DNAJC13: variants seen among roughly 807,000 people sequenced by gnomAD.
The protein encoded by DNAJC13 is dnaJ homolog subfamily C member 13.
DNAJC13 carries 75 observed loss-of-function variants against 290.5 expected under a neutral mutation model. The observed-to-expected ratio is 0.26, with a 90% CI of 0.21 to 0.31. The LOEUF is 0.31. Ranked by LOEUF, DNAJC13 falls within the 10% of genes least tolerant of loss-of-function variation. DNAJC13 has a pLI of 1.00. For missense variants in DNAJC13, 2,260 were observed against 2,674.5 expected, an observed-to-expected ratio of 0.85 and a Z score of 3.42; for synonymous variants, 862 against 892.0, an observed-to-expected ratio of 0.97 and a Z score of 0.60.
Position 132,474,885 on chromosome 3 carries a change from A to T in DNAJC13, c.2292-47A>T, listed in dbSNP as rs530774189. On this transcript the variant is annotated intron_variant, in intron 21 of 55. Coordinates refer to ENST00000260818, the MANE Select transcript of DNAJC13 (RefSeq NM_015268.4). ...AGTAAGGGATATTTATAGATTTTTT[A>T]AAATGCTTAGTGCATCCTGCTATTT... is the stretch of plus-strand genomic sequence containing the variant. 37 of 948,804 alleles carry T rather than the reference A, an allele frequency of 3.9e-5. No individual in the cohort carries two copies. The Middle Eastern group carries it at 1.7e-3, about 43-fold the overall frequency. 58.8% of individuals were successfully genotyped at this position (948,804 alleles called of 1,614,324 possible). A position where few individuals can be genotyped will look rare whatever the true frequency, so the allele number is the denominator to read the frequency against.
intron 20 of DNAJC13, among the ~76,000 whole-genome samples, chr3:132,469,984 T>C (rs1156996912): frequency 7.7e-6 from 1 of 130,626 alleles, no homozygotes; most frequent in African/African-American, 3.1e-5. Flanking sequence ...TTTTTTTTTT[T>C]TTTTTTTTAA....
In DNAJC13 at chr3:132,468,681, GT is replaced by G. The variant is rs553227256; in HGVS notation, c.2208+1375del. 7.7e-3 allele frequency among the ~76,000 whole-genome samples: 1,170 copies of G among 152,096 alleles called. 8 individuals are homozygous for G. The highest frequency in any genetic ancestry group is 0.027 in the African/African-American group (1,107 of 41,492). Reference sequence around the variant, plus strand: ...ATACCTCCCTTCTCTATCTTATAGGGTTTTTTTGATATACAAGCAAAATAAT... The same window carrying G: ...ATACCTCCCTTCTCTATCTTATAGGGTTTTTTGATATACAAGCAAAATAAT... On this transcript the variant is annotated intron_variant, in intron 20 of 55. Coordinates refer to ENST00000260818, the MANE Select transcript of DNAJC13 (RefSeq NM_015268.4).
intron 26 of DNAJC13, among the ~76,000 whole-genome samples, chr3:132,481,822 A>G (rs1559889929): frequency 6.6e-6 from 1 of 152,146 alleles, no homozygotes; most frequent in South Asian, 2.1e-4. Flanking sequence ...TTTTCCCCCA[A>G]AATAACTTTA....
chr3:132,530,464 A>G (rs1391226996), intron 54 of DNAJC13, among the ~76,000 whole-genome samples: 1 of 152,232 alleles, frequency 6.6e-6, no homozygotes, highest in Non-Finnish European at 1.5e-5. Flanking sequence ...ATGTATTTCA[A>G]GTATATACAA....
Position 132,466,354 on chromosome 3 carries a change from C to T in DNAJC13, c.2024C>T (p.Ala675Val), listed in dbSNP as rs1415173295. Residue 675 changes from alanine (A) to valine (V), a missense_variant, in exon 19 of 56, where the codon GCT (alanine) becomes GTT (valine). Around this residue, in one of 3 missense-constraint regions of DNAJC13, gnomAD observed 762 missense variants for 964.1 expected, o/e 0.79. Coordinates refer to ENST00000260818, the MANE Select transcript of DNAJC13 (RefSeq NM_015268.4). The part of the protein sequence containing the change: ...ESSDLVPEKD[A>V]DRMHVRDNVK... Reference sequence around the variant, plus strand: ...TCAGATCTCGTACCTGAGAAGGATGCTGATCGGATGCATGTTAGAGACAAT... The same window carrying T: ...TCAGATCTCGTACCTGAGAAGGATGTTGATCGGATGCATGTTAGAGACAAT... The T allele has an allele frequency of 6.2e-7, 1 of 1,602,868 alleles. No individual in the cohort carries two copies. The highest frequency in any genetic ancestry group is 8.5e-7 in the Non-Finnish European group (1 of 1,176,938).
At chr3:132,465,860 C>A in intron 17 of DNAJC13, 135 bp from the exon 18 acceptor site, 2 of 563,848 alleles carry the variant, frequency 3.5e-6, no homozygotes, top group Admixed American at 6.3e-5. Flanking sequence ...TTTTTAATAA[C>A]TATTTTTAAC....
chr3:132,475,137 A>G, intron 22 of DNAJC13, 52 bp downstream of exon 22: 1 of 1,363,528 alleles, frequency 7.3e-7, no homozygotes, highest in African/African-American at 1.5e-5. Flanking sequence ...AGCATGTACT[A>G]TTTGGGGAGT....
At chr3:132,499,873 C>A in intron 38 of DNAJC13, 65 bp downstream of exon 38, 1 of 1,440,084 alleles carries the variant, frequency 6.9e-7, no homozygotes, top group South Asian at 1.2e-5. Flanking sequence ...TTTAACATAT[C>A]TGAGAATCAA....
chr3:132,504,051 TAAATG>T (rs1230882625), intron 41 of DNAJC13, among the ~76,000 whole-genome samples: 1 of 151,854 alleles, frequency 6.6e-6, no homozygotes, highest in Non-Finnish European at 1.5e-5. Context: ...TATAACAAAA[TAAATG>T]GATTGATAGA....
intron 20 of DNAJC13, among the ~76,000 whole-genome samples, chr3:132,471,429 G>C (rs1293549136): frequency 1.4e-5 from 2 of 145,902 alleles, no homozygotes; most frequent in African/African-American, 5.0e-5. Flanking sequence ...GCCGGGCGGA[G>C]AGGCTCCTCA....
In DNAJC13 at chr3:132,492,487, C is replaced by T. The variant is rs1047546272; in HGVS notation, c.3697C>T (p.Leu1233Phe). The T allele has an allele frequency of 6.2e-7, 1 of 1,613,860 alleles. No individual in the cohort carries two copies. The highest frequency in any genetic ancestry group is 1.3e-5 in the African/African-American group (1 of 74,996). The change falls in exon 33 of 56, where the codon CTT becomes TTT. Residue 1233 changes from leucine (L) to phenylalanine (F), a missense_variant. Physicochemically the swap from Leu to Phe is conservative, Grantham distance 22. This residue lies in a region of DNAJC13 where 1,494 missense variants were observed against 1,693.7 expected (regional missense o/e 0.88). Coordinates refer to ENST00000260818, the MANE Select transcript of DNAJC13 (RefSeq NM_015268.4). Reference protein sequence around the residue: ...TPRLQSNTRALYQYCPIPIIN... With the variant: ...TPRLQSNTRAFYQYCPIPIIN... ...TCGTCTTCAGAGTAACACAAGAGCA[C>T]TTTATCAGTATTGCCCCATTCCTAT... is the stretch of plus-strand genomic sequence containing the variant.
intron 6 of DNAJC13, among the ~76,000 whole-genome samples, chr3:132,451,221 G>A (rs537110546): frequency 1.6e-4 from 24 of 152,182 alleles, no homozygotes; most frequent in African/African-American, 5.1e-4. Context: ...CAGCACTTAG[G>A]GAGGCAGAGT....
chr3:132,450,802 T>C lies in DNAJC13; in HGVS notation c.492T>C (p.Asp164=). 6.2e-7 allele frequency: 1 copy of C among 1,603,710 alleles called. No homozygotes were observed. Among genetic ancestry groups the C allele is most frequent in the Non-Finnish European group, 8.5e-7 (1 of 1,171,364 alleles). Residue 164 remains aspartate, a synonymous_variant, in exon 6 of 56, where the codon GAT becomes GAC. Transcript: ENST00000260818. ...TTGAAGGATTTGTAGATCTCTCAGA[T>C]TATCAAGGAGGATTTTGTATACTTT... The part of the protein sequence containing the change: ...RNIEGFVDLS[D]YQGGFCILYG...
intron 54 of DNAJC13, among the ~76,000 whole-genome samples, chr3:132,529,545 T>G (rs1345853743): frequency 6.6e-6 from 1 of 152,170 alleles, no homozygotes; most frequent in East Asian, 1.9e-4. Context: ...CCCAGCACTT[T>G]GGGAGGCCGA....
chr3:132,531,153 T>G, intron 55 of DNAJC13, 56 bp downstream of exon 55: 2 of 1,469,490 alleles, frequency 1.4e-6, no homozygotes, highest in Non-Finnish European at 1.9e-6. Flanking sequence ...ACTTGGACCT[T>G]CCTTTTGCCC....
chr3:132,465,825 T>C (rs1179946419), intron 17 of DNAJC13, among the ~76,000 whole-genome samples, 170 bp from the exon 18 acceptor site: 1 of 152,174 alleles, frequency 6.6e-6, no homozygotes, highest in African/African-American at 2.4e-5. Context: ...TAGTAATATT[T>C]GAATTATAAC....
chr3:132,455,155 A>T (rs1933559044), intron 9 of DNAJC13, among the ~76,000 whole-genome samples: 1 of 152,144 alleles, frequency 6.6e-6, no homozygotes, highest in Non-Finnish European at 1.5e-5. Flanking sequence ...TATATACAGA[A>T]CTCTTACAAC....
At position 132,478,286 on chromosome 3, in the gene DNAJC13, TCTGAGTTAGA is replaced by T. The variant is rs1463925929; in HGVS notation, c.2709+147_2709+156del. On this transcript the variant is annotated intron_variant, in intron 24 of 55. Transcript: ENST00000260818. ...TTTCTGTAATTTATACTTATTTAAA[TCTGAGTTAGA>T]TGAATAGGAAAATGAATAATGGGTT... 3.5e-4 allele frequency: 241 copies of T among 689,020 alleles called. 3 individuals carry two copies. The highest frequency in any genetic ancestry group is 2.6e-3 in the South Asian group (94 of 36,618). 42.7% of individuals were successfully genotyped at this position (689,020 alleles called of 1,614,324 possible). A position where few individuals can be genotyped will look rare whatever the true frequency, so the allele number is the denominator to read the frequency against.
At chr3:132,521,390 G>T (rs1191768761) in intron 48 of DNAJC13, among the ~76,000 whole-genome samples, 4 of 152,282 alleles carry the variant, frequency 2.6e-5, no homozygotes, top group African/African-American at 9.6e-5. Flanking sequence ...ATAAGCAGTT[G>T]TATTAAAGGT....
Sources: gnomAD v4.1 joint callset for allele counts (sites outside exome capture counted in the v4.1 genomes callset) on GRCh38, gnomAD v4.1.1 for gene constraint, gnomAD v4.1.1 regional missense constraint, MANE v1.5 for transcripts, NCBI Gene and HGNC (gene_info 2026-07-23, HGNC 2026-07-21) for gene names.